CDH9: variants seen among roughly 807,000 people sequenced by gnomAD.
The protein encoded by CDH9 is cadherin-9.
CDH9 carries 28 observed loss-of-function variants against 70.9 expected under a neutral mutation model. That is an observed-to-expected ratio of 0.40 (90% confidence interval 0.29 to 0.54). The LOEUF is 0.54. CDH9 is among the 20% of genes least tolerant of loss of function. The probability of loss-of-function intolerance (pLI) is 0.59; values close to 1 mark genes in which losing one functional copy is unlikely to be tolerated. For synonymous variants in CDH9, 409 were observed against 343.1 expected (o/e 1.19, Z -2.12); for missense variants, 874 against 984.4 (o/e 0.89, Z 1.50).
chr5:26,941,413 A>G (rs12332597), intron 2 of CDH9, among the ~76,000 whole-genome samples: 18,243 of 152,194 alleles, frequency 0.12, 3,656 homozygotes, highest in African/African-American at 0.42. Flanking sequence ...GGATGACAGC[A>G]TTGTGCTGGT....
chr5:27,008,162 C>T (rs1254771407), intron 1 of CDH9, among the ~76,000 whole-genome samples: 2 of 152,028 alleles, frequency 1.3e-5, no homozygotes, highest in Non-Finnish European at 2.9e-5. Context: ...GCATGGGAAT[C>T]ATGAGCTGAC....
intron 2 of CDH9, among the ~76,000 whole-genome samples, chr5:26,940,985 A>G (rs1449181345): frequency 6.6e-6 from 1 of 152,256 alleles, no homozygotes; most frequent in African/African-American, 2.4e-5. Context: ...TTCATAGAAC[A>G]TAAATTGTGC....
intron 1 of CDH9, among the ~76,000 whole-genome samples, chr5:27,004,676 A>G (rs1041315512): frequency 2.6e-5 from 4 of 152,156 alleles, no homozygotes; most frequent in Admixed American, 6.6e-5. Context: ...TACTAATGAG[A>G]GACACATGAG....
At chr5:26,927,761 T>C (rs778143169) in intron 2 of CDH9, among the ~76,000 whole-genome samples, 1 of 152,028 alleles carries the variant, frequency 6.6e-6, no homozygotes, top group Non-Finnish European at 1.5e-5. Context: ...AGAGTTTGCA[T>C]TTCACAGTAA....
chr5:26,978,059 C>G (rs576841534), intron 2 of CDH9, among the ~76,000 whole-genome samples: 1 of 151,838 alleles, frequency 6.6e-6, no homozygotes, highest in African/African-American at 2.4e-5. Flanking sequence ...CCTGCTGGGA[C>G]GAAACTCAAC....
At chr5:26,939,696 A>G (rs1430205310) in intron 2 of CDH9, among the ~76,000 whole-genome samples, 3 of 152,144 alleles carry the variant, frequency 2.0e-5, no homozygotes, top group Admixed American at 2.0e-4. Context: ...CTTAGAAAAT[A>G]TAAAAAACAC....
At chr5:27,021,552 GA>G (rs1162740209) in intron 1 of CDH9, among the ~76,000 whole-genome samples, 1 of 151,820 alleles carries the variant, frequency 6.6e-6, no homozygotes, top group East Asian at 1.9e-4. Flanking sequence ...CCATACTCAT[GA>G]ATACTCTTTT....
At chr5:26,993,827 G>C (rs922579107) in intron 1 of CDH9, among the ~76,000 whole-genome samples, 6 of 151,604 alleles carry the variant, frequency 4.0e-5, no homozygotes, top group Admixed American at 3.9e-4. Flanking sequence ...ATGCCAGATA[G>C]TTTCTTCACA....
chr5:27,021,921 C>T (rs568015107), intron 1 of CDH9, among the ~76,000 whole-genome samples: 33 of 152,078 alleles, frequency 2.2e-4, no homozygotes, highest in South Asian at 6.2e-4. Flanking sequence ...AATTAATTTT[C>T]ATGTAAATAG....
chr5:27,026,221 C>T (rs1278383729), intron 1 of CDH9, among the ~76,000 whole-genome samples: 1 of 151,814 alleles, frequency 6.6e-6, no homozygotes, highest in Non-Finnish European at 1.5e-5. Flanking sequence ...TGGAAAGTGT[C>T]CAGTTCACAT....
chr5:26,988,626 A>G (rs1388527073), intron 1 of CDH9, among the ~76,000 whole-genome samples: 1 of 152,020 alleles, frequency 6.6e-6, no homozygotes, highest in Non-Finnish European at 1.5e-5. Flanking sequence ...CTATAAAACA[A>G]TCAGATACAT....
intron 5 of CDH9, among the ~76,000 whole-genome samples, chr5:26,904,220 A>G (rs1740907430): frequency 6.6e-6 from 1 of 151,848 alleles, no homozygotes; most frequent in Non-Finnish European, 1.5e-5. Flanking sequence ...TTTAAAATGC[A>G]TTTATTATTT....
At chr5:27,030,810 T>TG (rs397841660) in intron 1 of CDH9, among the ~76,000 whole-genome samples, 1 of 47,022 alleles carries the variant, frequency 2.1e-5, no homozygotes, top group African/African-American at 7.8e-5. Flanking sequence ...CAAATACATA[T>TG]AACACTCAGC....
At chr5:26,961,454 A>C (rs1742033798) in intron 2 of CDH9, among the ~76,000 whole-genome samples, 1 of 152,070 alleles carries the variant, frequency 6.6e-6, no homozygotes, top group Non-Finnish European at 1.5e-5. Flanking sequence ...CTTCAATTGT[A>C]AATGGAGTAT....
chr5:26,946,283 C>G (rs1041787708), intron 2 of CDH9, among the ~76,000 whole-genome samples: 38 of 152,180 alleles, frequency 2.5e-4, no homozygotes, highest in African/African-American at 8.9e-4. Context: ...CTTCCTGATT[C>G]CTCTGCATTC....
At chr5:26,934,116 A>T (rs1741517994) in intron 2 of CDH9, among the ~76,000 whole-genome samples, 2 of 152,098 alleles carry the variant, frequency 1.3e-5, no homozygotes, top group African/African-American at 4.8e-5. Flanking sequence ...GAAGAAAGAG[A>T]GAGGGGAGAA....
intron 1 of CDH9, among the ~76,000 whole-genome samples, chr5:27,021,061 T>C (rs762879584): frequency 9.9e-5 from 15 of 151,828 alleles, no homozygotes; most frequent in Admixed American, 7.3e-4. Flanking sequence ...GATTATTTTA[T>C]AGAGTTTAAT....
chr5:26,886,174 A>G (rs1740563608), intron 9 of CDH9, 91 bp from the exon 10 acceptor site: 15 of 1,375,752 alleles, frequency 1.1e-5, no homozygotes, highest in Non-Finnish European at 1.5e-5. Flanking sequence ...TTGTGCTTTA[A>G]ATACATCACG....
intron 2 of CDH9, among the ~76,000 whole-genome samples, chr5:26,968,349 A>T (rs958777898): frequency 1.1e-4 from 17 of 151,866 alleles, no homozygotes; most frequent in African/African-American, 4.1e-4. Flanking sequence ...GCAGTGGCGC[A>T]ATCTCGGCTC....
Sources: allele counts gnomAD v4.1 joint callset (sites outside exome capture counted in the v4.1 genomes callset), GRCh38; gene constraint gnomAD v4.1.1; transcripts MANE v1.5; gene names NCBI Gene and HGNC (gene_info 2026-07-23, HGNC 2026-07-21).